Variants in CNGB3 observed in about 807,000 individuals in gnomAD.
CNGB3 encodes cyclic nucleotide gated channel subunit beta 3.
Under a neutral mutation model 92.8 loss-of-function variants are expected in CNGB3, and 86 were observed. That is an observed-to-expected ratio of 0.93 (90% confidence interval 0.78 to 1.11). The LOEUF (loss-of-function observed/expected upper bound fraction) is 1.11, where lower values mean the gene tolerates loss of function less well. Among genes scored for constraint, CNGB3 ranks in the 50% least tolerant of loss-of-function variants. The probability of loss-of-function intolerance (pLI) is 0.00; values close to 1 mark genes in which losing one functional copy is unlikely to be tolerated. For synonymous variants in CNGB3, 333 were observed against 332.7 expected, an observed-to-expected ratio of 1.00 and a Z score of -0.01; for missense variants, 1,026 against 956.8, an observed-to-expected ratio of 1.07 and a Z score of -0.95.
intron 7 of CNGB3, 82 bp downstream of exon 7, chr8:86,653,930 G>C: frequency 1.0e-6 from 1 of 972,348 alleles, no homozygotes; most frequent in Non-Finnish European, 1.7e-6. Flanking sequence ...TACAAACTTT[G>C]TTTATAGAAA....
rs376600782 is a variant in CNGB3, at chr8:86,728,627, A to G, written c.212-1970T>C. On this transcript the variant is annotated intron_variant, in intron 2 of 17. Transcript: ENST00000320005. ...GAAGCAAAATTCTTAATTGCTGGCC[A>G]TGGATGTCTAGTGCATTTTTCATTT... is the stretch of plus-strand genomic sequence containing the variant. Among the ~76,000 whole-genome samples the G allele has an allele frequency of 1.2e-4, 18 of 152,266 alleles. 1 individual carries two copies. The highest frequency in any genetic ancestry group is 5.9e-4 in the Admixed American group (9 of 15,302).
chr8:86,679,077 G>A (rs529496306), intron 3 of CNGB3, among the ~76,000 whole-genome samples: 1 of 152,162 alleles, frequency 6.6e-6, no homozygotes, highest in South Asian at 2.1e-4. Flanking sequence ...TTGATACAAT[G>A]TTCCTGAAAA....
rs36008065 is a variant in CNGB3 at position 86,668,178 on chromosome 8, G to GAAA, written c.494-13_494-11dup. 8.0e-6 allele frequency: 11 copies of GAAA among 1,376,664 alleles called. No homozygotes were observed. Among genetic ancestry groups the GAAA allele is most frequent in the South Asian group, 3.7e-5 (3 of 80,408 alleles). 85.3% of individuals were successfully genotyped at this position (1,376,664 alleles called of 1,614,324 possible). ...ACAGCCGTGGGCTTTGCTTCATAGG[G>GAAA]AAAAAAAAAAAGATGAAACATTTGA... On this transcript the variant is annotated splice_polypyrimidine_tract_variant and intron_variant, in intron 4 of 17. Coordinates refer to ENST00000320005, the MANE Select transcript of CNGB3 (RefSeq NM_019098.5).
chr8:86,678,338 A>T (rs976076984), intron 3 of CNGB3, among the ~76,000 whole-genome samples: 1 of 152,214 alleles, frequency 6.6e-6, no homozygotes, highest in Non-Finnish European at 1.5e-5. Flanking sequence ...AATTTGGGAA[A>T]GTATAGATAT....
intron 3 of CNGB3, among the ~76,000 whole-genome samples, chr8:86,676,735 A>G (rs1823977201): frequency 6.6e-6 from 1 of 152,128 alleles, no homozygotes; most frequent in African/African-American, 2.4e-5. Flanking sequence ...TTATTTTAAA[A>G]TCGAGTCTTT....
At chr8:86,641,144 G>A (rs568269849) in intron 10 of CNGB3, among the ~76,000 whole-genome samples, 1 of 152,050 alleles carries the variant, frequency 6.6e-6, no homozygotes, top group East Asian at 1.9e-4. Context: ...CATGCTAAAA[G>A]ACACTCCCAC....
chr8:86,579,833 C>G (rs533472178), intron 15 of CNGB3, among the ~76,000 whole-genome samples: 2 of 152,342 alleles, frequency 1.3e-5, no homozygotes, highest in Admixed American at 1.3e-4. Context: ...TCCCATCACT[C>G]TTGATGAGTT....
chr8:86,637,452 G>C (rs1474493349), intron 10 of CNGB3, among the ~76,000 whole-genome samples: 1 of 151,630 alleles, frequency 6.6e-6, no homozygotes, highest in Non-Finnish European at 1.5e-5. Context: ...GGTCTTTTGT[G>C]GTTCCATACA....
chr8:86,643,648 A>G, intron 10 of CNGB3, 103 bp downstream of exon 10: 2 of 1,289,976 alleles, frequency 1.6e-6, no homozygotes, highest in Non-Finnish European at 2.2e-6. Flanking sequence ...CAGCCATTGA[A>G]TGGGTTATGA....
chr8:86,661,691 G>T, intron 6 of CNGB3: 1 of 1,127,854 alleles, frequency 8.9e-7, no homozygotes, highest in Non-Finnish European at 1.3e-6. Flanking sequence ...TTCTTCTGAA[G>T]TCACTTCTAT....
In CNGB3 at chr8:86,632,844, C is replaced by T; in HGVS notation, c.1228G>A (p.Gly410Ser). 1 of 1,612,754 alleles carries T rather than the reference C, an allele frequency of 6.2e-7. No homozygotes were observed. The highest frequency in any genetic ancestry group is 8.5e-7 in the Non-Finnish European group (1 of 1,179,796). The change falls in exon 11 of 18, where the codon GGC becomes AGC. Residue 410 changes from glycine to serine, a missense_variant. Physicochemically the swap from Gly to Ser is moderately conservative, Grantham distance 56. Transcript: ENST00000320005. ...AATAAAGTTTGTGGTTCTGGAAGGCCACCAATGGTAATTAAAGTTCGAACT... is the reference window on the plus strand; with the variant it reads ...AATAAAGTTTGTGGTTCTGGAAGGCTACCAATGGTAATTAAAGTTCGAACT... ...WAVRTLITIG[G>S]LPEPQTLFEI...
In CNGB3 at chr8:86,668,148, G is replaced by T. The variant is rs762804298; in HGVS notation, c.514C>A (p.Pro172Thr). The T allele has an allele frequency of 4.3e-6, 7 of 1,613,600 alleles. No homozygotes were observed. Among genetic ancestry groups the T allele is most frequent in the Non-Finnish European group, 5.9e-6 (7 of 1,179,934 alleles). The change falls in exon 5 of 18, where the codon CCA becomes ACA. Residue 172 changes from proline (P) to threonine (T), a missense_variant. Transcript: ENST00000320005. Reference sequence around the variant, plus strand: ...GGCTTATCATCGCTTTCTTTTACTGGTGGTACAGCCGTGGGCTTTGCTTCA... The same window carrying T: ...GGCTTATCATCGCTTTCTTTTACTGTTGGTACAGCCGTGGGCTTTGCTTCA... ...PQTAKPTAVP[P>T]VKESDDKPTE...
chr8:86,708,760 G>A (rs1824696926), intron 3 of CNGB3, among the ~76,000 whole-genome samples: 1 of 151,596 alleles, frequency 6.6e-6, no homozygotes, highest in African/African-American at 2.4e-5. Flanking sequence ...TTGTAAAGAT[G>A]GGGTCTTGCT....
chr8:86,591,488 T>C (rs1462970874), intron 15 of CNGB3, among the ~76,000 whole-genome samples: 4 of 149,040 alleles, frequency 2.7e-5, no homozygotes, highest in Non-Finnish European at 6.0e-5. Flanking sequence ...CTTTTGGTCT[T>C]TGATGATGGT....
In CNGB3 at chr8:86,634,048, G is replaced by T. The variant is rs191122840; in HGVS notation, c.1179-1155C>A. Among the ~76,000 whole-genome samples, 44 of 152,150 alleles carry T rather than the reference G, an allele frequency of 2.9e-4. 1 individual carries two copies. Among genetic ancestry groups the T allele is most frequent in the Admixed American group, 1.2e-3 (18 of 15,272 alleles). ...AACAATTGCAAATGAAGAGGCTGAG[G>T]TCATTACAGACCAGATAGGAACAGG... On this transcript the variant is annotated intron_variant, in intron 10 of 17. Coordinates refer to ENST00000320005, the MANE Select transcript of CNGB3 (RefSeq NM_019098.5).
intron 3 of CNGB3, chr8:86,703,856 ATTTTGTGATATTT>A (rs1824601653): frequency 6.6e-6 from 1 of 152,160 alleles, no homozygotes; most frequent in East Asian, 1.9e-4. Flanking sequence ...TTTTACTTTT[ATTTTGTGATATTT>A]TTCAAATTTA....
At chr8:86,648,316 C>G (rs1272347282) in intron 7 of CNGB3, among the ~76,000 whole-genome samples, 1 of 151,134 alleles carries the variant, frequency 6.6e-6, no homozygotes, top group African/African-American at 2.4e-5. Flanking sequence ...TCAGCCAATT[C>G]TCCTGTGTTC....
At chr8:86,591,128 A>G (rs1030722043) in intron 15 of CNGB3, among the ~76,000 whole-genome samples, 63 of 151,348 alleles carry the variant, frequency 4.2e-4, no homozygotes, top group Non-Finnish European at 7.2e-4. Flanking sequence ...CCAGTTGATC[A>G]CATCGGCTCC....
intron 3 of CNGB3, among the ~76,000 whole-genome samples, chr8:86,694,712 C>T (rs1401640387): frequency 6.6e-6 from 1 of 151,670 alleles, no homozygotes; most frequent in Non-Finnish European, 1.5e-5. Context: ...GGTGGCCGGG[C>T]AGAGACGCTC....
Sources: gnomAD v4.1 joint callset for allele counts (sites outside exome capture counted in the v4.1 genomes callset) on GRCh38, gnomAD v4.1.1 for gene constraint, MANE v1.5 for transcripts, NCBI Gene and HGNC (gene_info 2026-07-23, HGNC 2026-07-21) for gene names.